Variants in RASA3 observed in about 807,000 individuals in gnomAD.
RASA3 encodes the protein RAS p21 protein activator 3, also known as ras GTPase-activating protein 3.
A neutral mutation model predicts 110.0 loss-of-function variants in RASA3; 73 were observed. The observed-to-expected ratio is 0.66, with a 90% CI of 0.55 to 0.81. RASA3 has a LOEUF of 0.81. Among genes scored for constraint, RASA3 ranks in the 30% least tolerant of loss-of-function variants. RASA3 has a pLI of 0.00. For synonymous variants in RASA3, 500 were observed against 451.4 expected (o/e 1.11, Z -1.37); for missense variants, 976 against 1,113.2 (o/e 0.88, Z 1.75).
chr13:114,118,651 C>T (rs72659580), intron 1 of RASA3, among the ~76,000 whole-genome samples: 55,217 of 152,174 alleles, frequency 0.36, 10,545 homozygotes, highest in Non-Finnish European at 0.42. Flanking sequence ...TTTTAAGCCA[C>T]AGGCATTACA....
chr13:114,080,178 A>G lies in RASA3; in HGVS notation c.56-6341T>C, dbSNP rs538319036. ...GCCCAGGTCTTGTCCAGGGCTCTCC[A>G]GGGCACCATGCTCCTCCCTCAAGAG... On this transcript the variant is annotated intron_variant, in intron 1 of 23. Transcript: ENST00000334062. Among the ~76,000 whole-genome samples, 5 of 152,270 alleles carry G rather than the reference A, an allele frequency of 3.3e-5. No individual in the cohort carries two copies. In the South Asian group the frequency reaches 1.0e-3, roughly 32 times the overall value.
chr13:114,043,617 G>A (rs977865872), intron 3 of RASA3, among the ~76,000 whole-genome samples: 12 of 152,076 alleles, frequency 7.9e-5, no homozygotes, highest in African/African-American at 2.2e-4. Context: ...TGCACGGGAC[G>A]CTGAAACCAC....
intron 1 of RASA3, among the ~76,000 whole-genome samples, chr13:114,111,425 G>A (rs9590442): frequency 1.6e-5 from 1 of 64,138 alleles, no homozygotes; most frequent in African/African-American, 6.2e-5. Context: ...AGCTGCAGGC[G>A]GAGTTCTAAG....
chr13:114,028,828 G>A (rs865831021), intron 5 of RASA3, among the ~76,000 whole-genome samples: 3 of 51,168 alleles, frequency 5.9e-5, no homozygotes, highest in African/African-American at 1.5e-4. Flanking sequence ...CCTCTAAAAC[G>A]GCATCATCCT....
At chr13:114,050,752 C>CCT (rs143632562) in intron 3 of RASA3, among the ~76,000 whole-genome samples, 2 of 152,144 alleles carry the variant, frequency 1.3e-5, no homozygotes, top group African/African-American at 2.4e-5. Flanking sequence ...TCTCATGCCC[C>CCT]CTCTCTCTCT....
intron 4 of RASA3, among the ~76,000 whole-genome samples, chr13:114,031,379 A>G (rs183264736): frequency 1.1e-4 from 15 of 141,196 alleles, no homozygotes; most frequent in African/African-American, 4.0e-4. Flanking sequence ...CTATGTGTGC[A>G]TGTCTGTCTG....
At chr13:114,042,752 C>T (rs2054440373) in intron 3 of RASA3, among the ~76,000 whole-genome samples, 1 of 152,246 alleles carries the variant, frequency 6.6e-6, no homozygotes, top group Non-Finnish European at 1.5e-5. Context: ...ACAACCCTGG[C>T]CTGGCATCCA....
intron 1 of RASA3, among the ~76,000 whole-genome samples, chr13:114,080,565 G>A (rs926966109): frequency 2.0e-5 from 3 of 148,784 alleles, no homozygotes; most frequent in African/African-American, 7.5e-5. Flanking sequence ...CAATGTAATT[G>A]AAACTTCCAC....
intron 23 of RASA3, among the ~76,000 whole-genome samples, chr13:113,980,609 T>G (rs1259996600): frequency 1.3e-5 from 2 of 152,258 alleles, no homozygotes; most frequent in South Asian, 2.1e-4. Context: ...CCTGCTGATA[T>G]CAACGAGGCA....
chr13:114,076,700 C>T (rs868008745), intron 1 of RASA3, among the ~76,000 whole-genome samples: 1 of 152,066 alleles, frequency 6.6e-6, no homozygotes, highest in African/African-American at 2.4e-5. Context: ...TTGAGGTTCC[C>T]GGAGCAGACG....
At chr13:114,125,741 T>C (rs890679795) in intron 1 of RASA3, among the ~76,000 whole-genome samples, 4 of 152,270 alleles carry the variant, frequency 2.6e-5, no homozygotes, top group East Asian at 3.9e-4. Context: ...CTAGAAGCTC[T>C]GGTTGCACGG....
chr13:113,979,514 G>T, intron 23 of RASA3, 92 bp from the exon 24 acceptor site: 1 of 1,022,982 alleles, frequency 9.8e-7, no homozygotes, highest in Non-Finnish European at 1.5e-6. Context: ...TCCTAAATGT[G>T]ACACACTCAC....
intron 1 of RASA3, among the ~76,000 whole-genome samples, chr13:114,105,958 C>T (rs181306540): frequency 1.0e-3 from 156 of 152,276 alleles, no homozygotes; most frequent in African/African-American, 3.3e-3. Flanking sequence ...GTCTTGCACC[C>T]GCCCTGAGCT....
At chr13:114,040,513 C>A (rs2054377462) in intron 4 of RASA3, among the ~76,000 whole-genome samples, 1 of 136,438 alleles carries the variant, frequency 7.3e-6, no homozygotes, top group Non-Finnish European at 1.6e-5. Flanking sequence ...CGAACACGCA[C>A]AACCCAAAAT....
chr13:114,018,035 TCGGCGA>T (rs953151985), intron 11 of RASA3, 63 bp downstream of exon 11: 1 of 1,416,660 alleles, frequency 7.1e-7, no homozygotes. Context: ...CACGTGGTTC[TCGGCGA>T]CGACCTTGCC....
intron 2 of RASA3, among the ~76,000 whole-genome samples, chr13:114,052,638 G>C (rs117135219): frequency 6.6e-6 from 1 of 152,148 alleles, no homozygotes; most frequent in African/African-American, 2.4e-5. Flanking sequence ...TCCTCGGGGA[G>C]AGACCCCCGC....
chr13:113,981,185 C>T (rs964786871), intron 23 of RASA3, among the ~76,000 whole-genome samples: 11 of 152,198 alleles, frequency 7.2e-5, no homozygotes, highest in African/African-American at 2.7e-4. Context: ...TGGAGCTTAG[C>T]TAAGCGCCAC....
Position 114,114,244 on chromosome 13 carries a change from A to G in RASA3, c.55+18191T>C, listed in dbSNP as rs1015731723. 6.6e-6 allele frequency among the ~76,000 whole-genome samples: 1 copy of G among 152,222 alleles called. No individual in the cohort carries two copies. Among genetic ancestry groups the G allele is most frequent in the Non-Finnish European group, 1.5e-5 (1 of 68,038 alleles). On this transcript the variant is annotated intron_variant, in intron 1 of 23. Transcript: ENST00000334062. The surrounding 1 kb of genome is among the most constrained non-coding windows in gnomAD (Gnocchi z 4.8). ...CTCAGCACAGCCCATGTGACGTTAG[A>G]AAGGCAACCGCAAATTCAGCTGCGG... is the stretch of plus-strand genomic sequence containing the variant.
chr13:114,007,930 G>C (rs2053552855), intron 17 of RASA3, among the ~76,000 whole-genome samples: 1 of 121,852 alleles, frequency 8.2e-6, no homozygotes, highest in African/African-American at 3.2e-5. Context: ...AGGCATCCCT[G>C]ACTGTGGGGA....
Sources: allele counts gnomAD v4.1 joint callset (sites outside exome capture counted in the v4.1 genomes callset), GRCh38; gene constraint gnomAD v4.1.1; non-coding constraint Gnocchi (gnomAD v3.1); transcripts MANE v1.5; gene names NCBI Gene and HGNC (gene_info 2026-07-23, HGNC 2026-07-21).